KIAA0753: variants seen among roughly 807,000 people sequenced by gnomAD.
KIAA0753 encodes KIAA0753.
A neutral mutation model predicts 116.9 loss-of-function variants in KIAA0753; 114 were observed. That is an observed-to-expected ratio of 0.98 (90% CI 0.84 to 1.14). The LOEUF (loss-of-function observed/expected upper bound fraction) is 1.14, where lower values mean the gene tolerates loss of function less well. KIAA0753 is among the 50% of genes most tolerant of loss of function. KIAA0753 has a pLI of 0.00. For synonymous variants in KIAA0753, 405 were observed against 413.1 expected (o/e 0.98, Z 0.24); for missense variants, 1,156 against 1,172.4 (o/e 0.99, Z 0.20).
intron 15 of KIAA0753, among the ~76,000 whole-genome samples, chr17:6,595,641 C>G (rs1048083909): frequency 4.6e-5 from 7 of 152,210 alleles, no homozygotes; most frequent in Non-Finnish European, 8.8e-5. Flanking sequence ...TTTTTGTGAC[C>G]TTGGCCATGT....
chr17:6,624,843 A>G lies in KIAA0753; in HGVS notation c.737T>C (p.Leu246Ser), dbSNP rs1349670432. 1.3e-6 allele frequency: 2 copies of G among 1,558,178 alleles called. No individual in the cohort carries two copies. Among genetic ancestry groups the G allele is most frequent in the South Asian group, 2.4e-5 (2 of 84,756 alleles). ...GATTCGACGTTCTTCATCTGGATCCAAAGCTTCTTCTAGTCTATCTGAAAA... is the reference window on the plus strand; with the variant it reads ...GATTCGACGTTCTTCATCTGGATCCGAAGCTTCTTCTAGTCTATCTGAAAA... ...VTKKDRLEEA[L>S]DPDEERRIRI... Residue 246 changes from leucine to serine, a missense_variant, in exon 4 of 19, where the codon TTG becomes TCG. Coordinates refer to ENST00000361413, the MANE Select transcript of KIAA0753 (RefSeq NM_014804.3).
intron 3 of KIAA0753, 30 bp from the exon 4 acceptor site, chr17:6,624,891 T>C (rs368245004): frequency 2.1e-6 from 3 of 1,412,280 alleles, no homozygotes; most frequent in Non-Finnish European, 2.9e-6. Flanking sequence ...TCCCCAAAAG[T>C]GGATTATAAA....
chr17:6,609,101 T>C lies in KIAA0753; in HGVS notation c.1713-637A>G, dbSNP rs142890588. Among the ~76,000 whole-genome samples the C allele has an allele frequency of 5.9e-5, 9 of 152,340 alleles. No homozygotes were observed. The East Asian group carries it at 1.7e-3, about 29-fold the overall frequency. On this transcript the variant is annotated intron_variant, in intron 9 of 18. Transcript: ENST00000361413. ...ATTCTCTAAACATTGTTTCCTTAAC[T>C]TGAAAATGAGAGTGGATGGATGAGC... is the stretch of plus-strand genomic sequence containing the variant.
chr17:6,591,040 GGAAGAAGAAGAA>G (rs71157205), intron 16 of KIAA0753, among the ~76,000 whole-genome samples: 4,597 of 99,700 alleles, frequency 0.046, 189 homozygotes, highest in Non-Finnish European at 0.054. Flanking sequence ...GAAGGAAGAA[GGAAGAAGAAGAA>G]GAAGAAGAAG....
intron 7 of KIAA0753, among the ~76,000 whole-genome samples, chr17:6,617,262 T>C (rs893844119): frequency 6.6e-6 from 1 of 152,190 alleles, no homozygotes. Context: ...GGGCTCATCA[T>C]AGAGGATATA....
At chr17:6,616,432 A>C (rs1420985996) in intron 7 of KIAA0753, among the ~76,000 whole-genome samples, 1 of 152,232 alleles carries the variant, frequency 6.6e-6, no homozygotes, top group Non-Finnish European at 1.5e-5. Flanking sequence ...ATGCCACCTT[A>C]CATTTTTACA....
In KIAA0753 at chr17:6,579,867, G is replaced by A. The variant is rs770058788; in HGVS notation, c.2787-3C>T. The A allele has an allele frequency of 7.5e-6, 12 of 1,610,362 alleles. No individual in the cohort carries two copies. Among genetic ancestry groups the A allele is most frequent in the East Asian group, 2.2e-5 (1 of 44,856 alleles). On this transcript the variant is annotated splice_polypyrimidine_tract_variant and splice_region_variant and intron_variant, in intron 18 of 18. Coordinates refer to ENST00000361413, the MANE Select transcript of KIAA0753 (RefSeq NM_014804.3). ...CATCTACCAGCTCTTCTGAAAAGCT[G>A]GAAGACAAACAACACAACTAAAGGT...
chr17:6,603,809 G>A (rs1277553933), intron 12 of KIAA0753, among the ~76,000 whole-genome samples: 1 of 152,160 alleles, frequency 6.6e-6, no homozygotes, highest in African/African-American at 2.4e-5. Context: ...CCAAGAAAGG[G>A]GCAGCCGAGA....
intron 9 of KIAA0753, among the ~76,000 whole-genome samples, chr17:6,609,311 G>A (rs1970387638): frequency 6.6e-6 from 1 of 152,148 alleles, no homozygotes; most frequent in African/African-American, 2.4e-5. Context: ...TTTCCATTGT[G>A]TTTTCAAAAA....
At position 6,624,680 on chromosome 17, in the gene KIAA0753, A is replaced by T. The variant is rs1597583787; in HGVS notation, c.825+75T>A. The T allele has an allele frequency of 9.0e-6, 9 of 996,178 alleles. No homozygotes were observed. The East Asian group carries it at 2.4e-4, about 26-fold the overall frequency. The allele number at this position is 996,178 out of a possible 1,614,324, so 61.7% of individuals were successfully genotyped here. On this transcript the variant is annotated intron_variant, in intron 4 of 18. Coordinates refer to ENST00000361413, the MANE Select transcript of KIAA0753 (RefSeq NM_014804.3). ...ACTCTAGTGCTAATCTTTCTGAGACAAAAGGAAAACAGAAACTCTCTAAGG... is the reference window on the plus strand; with the variant it reads ...ACTCTAGTGCTAATCTTTCTGAGACTAAAGGAAAACAGAAACTCTCTAAGG...
At chr17:6,591,000 G>GA (rs199723948) in intron 16 of KIAA0753, among the ~76,000 whole-genome samples, 18 of 85,936 alleles carry the variant, frequency 2.1e-4, no homozygotes, top group African/African-American at 7.7e-4. Context: ...AAAGAAGAAG[G>GA]AAGAAGAAGG....
intron 3 of KIAA0753, among the ~76,000 whole-genome samples, chr17:6,626,347 C>T (rs796229679): frequency 3.9e-5 from 6 of 152,302 alleles, no homozygotes; most frequent in African/African-American, 1.4e-4. Context: ...CTCTTTAAAA[C>T]ATCAAACAAT....
At chr17:6,627,455 T>C (rs547670076) in intron 3 of KIAA0753, among the ~76,000 whole-genome samples, 1 of 152,322 alleles carries the variant, frequency 6.6e-6, no homozygotes, top group South Asian at 2.1e-4. Context: ...CTCAACTCCA[T>C]ACCCCTTGCA....
At chr17:6,625,891 A>T (rs1971636403) in intron 3 of KIAA0753, among the ~76,000 whole-genome samples, 1 of 152,022 alleles carries the variant, frequency 6.6e-6, no homozygotes, top group Non-Finnish European at 1.5e-5. Flanking sequence ...TAGTAGAGAC[A>T]AGGTTTTGGC....
intron 16 of KIAA0753, among the ~76,000 whole-genome samples, chr17:6,591,503 A>C (rs1384113930): frequency 2.6e-5 from 4 of 152,234 alleles, no homozygotes; most frequent in African/African-American, 9.6e-5. Flanking sequence ...TTTGTGATGA[A>C]ATTAAACAAA....
intron 2 of KIAA0753, among the ~76,000 whole-genome samples, chr17:6,629,981 G>A (rs1343504826): frequency 6.6e-6 from 1 of 152,118 alleles, no homozygotes; most frequent in African/African-American, 2.4e-5. Context: ...AATTAGGTAG[G>A]CGTGATGGCA....
At chr17:6,628,041 G>A in intron 3 of KIAA0753, 76 bp downstream of exon 3, 1 of 1,373,332 alleles carries the variant, frequency 7.3e-7, no homozygotes. Flanking sequence ...TAGGGGTTGA[G>A]GGTCCTCAAG....
rs1452306947 is a variant in KIAA0753 at position 6,581,866 on chromosome 17, ATGTC to A, written c.2787-2006_2787-2003del. 2.0e-5 allele frequency among the ~76,000 whole-genome samples: 3 copies of A among 152,294 alleles called. No individual in the cohort carries two copies. In the East Asian group the frequency reaches 5.8e-4, roughly 29 times the overall value. ...TTGAGCACTTCCTTTCTAGCACAGT[ATGTC>A]TGAGGCTTATCTTACATTTTTCCAG... On this transcript the variant is annotated intron_variant, in intron 18 of 18. Coordinates refer to ENST00000361413, the MANE Select transcript of KIAA0753 (RefSeq NM_014804.3).
chr17:6,603,255 G>C (rs1450802268), intron 12 of KIAA0753, among the ~76,000 whole-genome samples: 1 of 151,834 alleles, frequency 6.6e-6, no homozygotes, highest in African/African-American at 2.4e-5. Flanking sequence ...ACAGAGAATA[G>C]AGAAAACAGA....
Sources: allele counts gnomAD v4.1 joint callset (sites outside exome capture counted in the v4.1 genomes callset), GRCh38; gene constraint gnomAD v4.1.1; transcripts MANE v1.5; gene names NCBI Gene and HGNC (gene_info 2026-07-23, HGNC 2026-07-21).